The following TNRC18 variants were observed in gnomAD, a reference collection of about 807,000 sequenced individuals.
The protein encoded by TNRC18 is trinucleotide repeat-containing gene 18 protein.
In TNRC18, 69 loss-of-function variants were observed where a neutral mutation model predicts 226.7. That is an observed-to-expected ratio of 0.30 (90% confidence interval 0.25 to 0.37). TNRC18 has a LOEUF of 0.37. TNRC18 is among the 10% of genes least tolerant of loss of function. TNRC18 has a pLI of 1.00. For missense variants in TNRC18, 4,754 were observed against 4,256.6 expected (o/e 1.12, Z -3.25); for synonymous variants, 2,449 against 1,927.6 (o/e 1.27, Z -7.09).
Position 5,309,471 on chromosome 7 carries a change from A to C in TNRC18, c.8389-103T>G. ...GGGACTCTGGGCCCTCGGCCTCTAAATCAACCCCTATCCAACTGTGGGGAG... is the reference window on the plus strand; with the variant it reads ...GGGACTCTGGGCCCTCGGCCTCTAACTCAACCCCTATCCAACTGTGGGGAG... On this transcript the variant is annotated intron_variant, in intron 27 of 29. Transcript: ENST00000430969. The surrounding 1 kb of genome is among the most constrained non-coding windows in gnomAD (Gnocchi z 5.7). 7.5e-6 allele frequency: 7 copies of C among 938,968 alleles called. No homozygotes were observed. Among genetic ancestry groups the C allele is most frequent in the South Asian group, 1.7e-5 (1 of 60,054 alleles). 58.2% of individuals were successfully genotyped at this position (938,968 alleles called of 1,614,324 possible). A position where few individuals can be genotyped will look rare whatever the true frequency, so the allele number is the denominator to read the frequency against.
intron 17 of TNRC18, among the ~76,000 whole-genome samples, chr7:5,350,225 C>T (rs1182945148): frequency 6.6e-6 from 1 of 151,832 alleles, no homozygotes; most frequent in Non-Finnish European, 1.5e-5. Context: ...ACGAGGCTGG[C>T]CAGTGGGTCG....
chr7:5,388,861 C>A lies in TNRC18; in HGVS notation c.963G>T (p.Thr321=). Residue 321 remains threonine (T), a synonymous_variant, in exon 5 of 30, where the codon ACG becomes ACT. Coordinates refer to ENST00000430969, the MANE Select transcript of TNRC18 (RefSeq NM_001080495.3). ...GGCGCGGCCCAGGGAGCAGGGTCTC[C>A]GTGCGCCGCAGCAGCCGCGCGCCCT... The part of the protein sequence containing the change: ...QDEGARLLRR[T]ETLLPGPRPC... 1 of 1,276,620 alleles carries A rather than the reference C, an allele frequency of 7.8e-7. No homozygotes were observed. The allele number at this position is 1,276,620 out of a possible 1,614,324, so 79.1% of individuals were successfully genotyped here. A position where few individuals can be genotyped will look rare whatever the true frequency, so the allele number is the denominator to read the frequency against.
At chr7:5,410,798 T>C (rs970637059) in intron 2 of TNRC18, among the ~76,000 whole-genome samples, 4 of 138,914 alleles carry the variant, frequency 2.9e-5, no homozygotes, top group African/African-American at 1.1e-4. Context: ...GTGGTGGAGG[T>C]TGCAGTGAAC....
chr7:5,327,372 CGTGTGTGT>C (rs5882054), intron 19 of TNRC18, among the ~76,000 whole-genome samples: 1,973 of 142,790 alleles, frequency 0.014, 31 homozygotes, highest in African/African-American at 0.045. Context: ...TGTGTTTGTG[CGTGTGTGT>C]GTGTGTGTGT....
intron 5 of TNRC18, among the ~76,000 whole-genome samples, chr7:5,385,361 G>A (rs1344104305): frequency 8.6e-5 from 13 of 152,000 alleles, no homozygotes; most frequent in Admixed American, 3.9e-4. Flanking sequence ...GGTGGCGGGC[G>A]CCTGTAGTCC....
rs746897344 is a variant in TNRC18, at chr7:5,390,675, C to G, written c.344-47G>C. On this transcript the variant is annotated intron_variant, in intron 3 of 29. Transcript: ENST00000430969. ...CTGGGCTGGGCCAATTCGTGCTGCT[C>G]ACCAGGAGCTTCCTTCCAGCTCCTG... 4.1e-6 allele frequency: 6 copies of G among 1,458,604 alleles called. No individual in the cohort carries two copies. The East Asian group carries it at 1.3e-4, about 31-fold the overall frequency. The allele number at this position is 1,458,604 out of a possible 1,614,324, so 90.4% of individuals were successfully genotyped here. A position where few individuals can be genotyped will look rare whatever the true frequency, so the allele number is the denominator to read the frequency against.
chr7:5,402,135 T>C (rs7797440), intron 2 of TNRC18, among the ~76,000 whole-genome samples: 2,518 of 135,298 alleles, frequency 0.019, 91 homozygotes, highest in African/African-American at 0.069. Flanking sequence ...GCTGAGATCA[T>C]GCCACTGTAC....
At chr7:5,376,789 C>T (rs1271755746) in intron 8 of TNRC18, 58 bp downstream of exon 8, 1 of 1,574,972 alleles carries the variant, frequency 6.3e-7, no homozygotes, top group Non-Finnish European at 8.6e-7. Context: ...GCATCAGAGA[C>T]CATCTCGCTG....
intron 22 of TNRC18, 117 bp from the exon 23 acceptor site, chr7:5,320,724 G>T: frequency 1.2e-6 from 1 of 853,422 alleles, no homozygotes; most frequent in South Asian, 1.7e-5. Context: ...GGACTCAGAG[G>T]TTTGCTGACT....
In TNRC18 at chr7:5,361,667, G is replaced by A. The variant is rs776197746; in HGVS notation, c.4588C>T (p.Arg1530Trp). The A allele has an allele frequency of 9.0e-6, 14 of 1,562,778 alleles. No individual in the cohort carries two copies. Among genetic ancestry groups the A allele is most frequent in the South Asian group, 2.4e-5 (2 of 84,862 alleles). ...GCGCTCGGGGCGTGGGTCCGTTTCCGCGGCCTGCCAGGGCCTCTGCGTGCC... is the reference window on the plus strand; with the variant it reads ...GCGCTCGGGGCGTGGGTCCGTTTCCACGGCCTGCCAGGGCCTCTGCGTGCC... ...SLARRGPGRP[R>W]KRTHAPSALS... Residue 1530 changes from arginine (R) to tryptophan (W), a missense_variant, in exon 14 of 30, where the codon CGG (arginine) becomes TGG (tryptophan). Physicochemically the swap from Arg to Trp is moderately radical, Grantham distance 101 (BLOSUM62 -3). Transcript: ENST00000430969.
At chr7:5,401,829 T>C (rs1781112376) in intron 2 of TNRC18, among the ~76,000 whole-genome samples, 1 of 152,130 alleles carries the variant, frequency 6.6e-6, no homozygotes, top group African/African-American at 2.4e-5. Context: ...GGCTCATGCC[T>C]GTAATCTCAA....
At chr7:5,356,506 C>T (rs1792402597) in intron 16 of TNRC18, among the ~76,000 whole-genome samples, 1 of 152,264 alleles carries the variant, frequency 6.6e-6, no homozygotes, top group Non-Finnish European at 1.5e-5. Flanking sequence ...AGTCCGGTCA[C>T]CTCTAGGACC....
chr7:5,409,624 G>C (rs1781708666), intron 2 of TNRC18, among the ~76,000 whole-genome samples: 1 of 151,552 alleles, frequency 6.6e-6, no homozygotes, highest in Admixed American at 6.6e-5. Flanking sequence ...AAGGTTAGAA[G>C]ATACCATTAA....
Position 5,377,385 on chromosome 7 carries a change from G to A in TNRC18, c.2447C>T (p.Ala816Val). The change falls in exon 7 of 30, where the codon GCT becomes GTT. Residue 816 changes from alanine (A) to valine (V), a missense_variant. Coordinates refer to ENST00000430969, the MANE Select transcript of TNRC18 (RefSeq NM_001080495.3). The surrounding 1 kb of genome is among the most constrained non-coding windows in gnomAD (Gnocchi z 5.8). ...PRSGNASMWL[A>V]GHPYGLGPPS... ...CCCACACTCACCGTAGGGGTGTCCA[G>A]CGAGCCACATGGATGCGTTGCCCGA... is the stretch of plus-strand genomic sequence containing the variant. The A allele has an allele frequency of 7.2e-7, 1 of 1,385,650 alleles. No homozygotes were observed. The highest frequency in any genetic ancestry group is 9.6e-7 in the Non-Finnish European group (1 of 1,041,112). The allele number at this position is 1,385,650 out of a possible 1,614,324, so 85.8% of individuals were successfully genotyped here. A position where few individuals can be genotyped will look rare whatever the true frequency, so the allele number is the denominator to read the frequency against.
At chr7:5,417,024 G>T (rs985881440) in intron 2 of TNRC18, among the ~76,000 whole-genome samples, 3 of 145,830 alleles carry the variant, frequency 2.1e-5, no homozygotes, top group African/African-American at 7.6e-5. Context: ...TCAGCTGGGT[G>T]CAGTGGTGCA....
At position 5,376,040 on chromosome 7, in the gene TNRC18, C is replaced by G; in HGVS notation, c.2793G>C (p.Gln931His). 6.3e-7 allele frequency: 1 copy of G among 1,592,592 alleles called. No homozygotes were observed. The highest frequency in any genetic ancestry group is 1.1e-5 in the South Asian group (1 of 87,618). Residue 931 changes from glutamine (Q) to histidine (H), a missense_variant, in exon 9 of 30, where the codon CAG becomes CAC. Coordinates refer to ENST00000430969, the MANE Select transcript of TNRC18 (RefSeq NM_001080495.3). ...CTCATCCTCCCCGACTTACCACGAGCTGGGCGCTCCTCTGCAGTTCCAAGG... is the reference window on the plus strand; with the variant it reads ...CTCATCCTCCCCGACTTACCACGAGGTGGGCGCTCCTCTGCAGTTCCAAGG... ...AQALELQRSAQLVQERLKAQE... is the reference protein window; with the variant it reads ...AQALELQRSAHLVQERLKAQE...
chr7:5,351,301 G>A (rs1303010278), intron 17 of TNRC18, among the ~76,000 whole-genome samples: 3 of 152,102 alleles, frequency 2.0e-5, no homozygotes, highest in Non-Finnish European at 2.9e-5. Context: ...AGTTAAAAAT[G>A]AACTCGATAT....
intron 16 of TNRC18, among the ~76,000 whole-genome samples, chr7:5,353,741 G>C (rs1046268811): frequency 6.6e-6 from 1 of 152,092 alleles, no homozygotes; most frequent in Non-Finnish European, 1.5e-5. Flanking sequence ...CAGAAAAGCA[G>C]ATTATAAAAA....
At position 5,374,195 on chromosome 7, in the gene TNRC18, T is replaced by TC; in HGVS notation, c.3088_3089insG (p.His1030ArgfsTer84). The TC allele has an allele frequency of 2.0e-5, 2 of 102,536 alleles. No individual in the cohort carries two copies. Among genetic ancestry groups the TC allele is most frequent in the East Asian group, 7.9e-4 (1 of 1,258 alleles). 6.4% of individuals were successfully genotyped at this position (102,536 alleles called of 1,614,324 possible). A position where few individuals can be genotyped will look rare whatever the true frequency, so the allele number is the denominator to read the frequency against. On this transcript the variant is annotated frameshift_variant, in exon 10 of 30. Coordinates refer to ENST00000430969, the MANE Select transcript of TNRC18 (RefSeq NM_001080495.3). LOFTEE classifies it high-confidence loss of function. ...GGAGGCGGGCGGCGGGCTGGTGGGG[T>TC]GGGAGCTGGGGGTGGCGGGGTAGGC...
Sources: allele counts gnomAD v4.1 joint callset (sites outside exome capture counted in the v4.1 genomes callset), GRCh38; gene constraint gnomAD v4.1.1; non-coding constraint Gnocchi (gnomAD v3.1); transcripts MANE v1.5; gene names NCBI Gene and HGNC (gene_info 2026-07-23, HGNC 2026-07-21).